The following PIP4K2A variants were observed in gnomAD, a reference collection of about 807,000 sequenced individuals.
PIP4K2A encodes the protein phosphatidylinositol-5-phosphate 4-kinase type 2 alpha, also known as phosphatidylinositol 5-phosphate 4-kinase type-2 alpha.
In PIP4K2A, 14 loss-of-function variants were observed where a neutral mutation model predicts 42.9. The ratio of observed to expected loss-of-function variants is 0.33; its 90% confidence interval spans 0.22 to 0.51. The LOEUF is 0.51. PIP4K2A is among the 20% of genes least tolerant of loss of function. PIP4K2A has a pLI of 0.97. For synonymous variants in PIP4K2A, 192 were observed against 192.2 expected, an observed-to-expected ratio of 1.00 and a Z score of 0.01; for missense variants, 434 against 519.8, an observed-to-expected ratio of 0.83 and a Z score of 1.61.
intron 1 of PIP4K2A, among the ~76,000 whole-genome samples, chr10:22,632,846 G>GA (rs1246862856): frequency 6.6e-6 from 1 of 151,962 alleles, no homozygotes; most frequent in African/African-American, 2.4e-5. Flanking sequence ...CCAATCAAAA[G>GA]AAAAAAATAT....
At chr10:22,640,866 A>G (rs1838769542) in intron 1 of PIP4K2A, among the ~76,000 whole-genome samples, 2 of 152,246 alleles carry the variant, frequency 1.3e-5, no homozygotes, top group Admixed American at 6.5e-5. Context: ...ATAAACATAG[A>G]GCAAGGATGT....
chr10:22,707,640 A>G (rs540904162), intron 1 of PIP4K2A, among the ~76,000 whole-genome samples: 2 of 152,336 alleles, frequency 1.3e-5, no homozygotes, highest in East Asian at 3.9e-4. Context: ...CAGGCAGCAC[A>G]GCTCAGTGGT....
intron 1 of PIP4K2A, among the ~76,000 whole-genome samples, chr10:22,653,791 A>G (rs907159829): frequency 6.6e-6 from 1 of 152,106 alleles, no homozygotes; most frequent in Non-Finnish European, 1.5e-5. Context: ...GGAGAATCGC[A>G]TGAATCCAGA....
intron 1 of PIP4K2A, among the ~76,000 whole-genome samples, chr10:22,703,235 C>T (rs1833750277): frequency 1.3e-5 from 2 of 151,968 alleles, no homozygotes; most frequent in South Asian, 2.1e-4. Context: ...GCGAGACCCC[C>T]CATCTCTTAC....
At chr10:22,591,433 A>G (rs546425009) in intron 4 of PIP4K2A, among the ~76,000 whole-genome samples, 196 bp downstream of exon 4, 1 of 152,386 alleles carries the variant, frequency 6.6e-6, no homozygotes, top group African/African-American at 2.4e-5. Context: ...AATGACCTTT[A>G]TAGCACAAGC....
chr10:22,570,411 G>T (rs910044753), intron 5 of PIP4K2A, among the ~76,000 whole-genome samples: 26 of 152,260 alleles, frequency 1.7e-4, no homozygotes, highest in Non-Finnish European at 1.5e-5. Context: ...GCTCTGAGCA[G>T]TACCGCCAAG....
chr10:22,544,886 G>A (rs547910368), intron 7 of PIP4K2A, among the ~76,000 whole-genome samples: 11 of 152,246 alleles, frequency 7.2e-5, no homozygotes, highest in South Asian at 4.1e-4. Context: ...TCTCAGCTGC[G>A]GGGCACTGCA....
At chr10:22,695,962 C>T (rs1839962743) in intron 1 of PIP4K2A, among the ~76,000 whole-genome samples, 1 of 152,134 alleles carries the variant, frequency 6.6e-6, no homozygotes, top group African/African-American at 2.4e-5. Context: ...CACCTTAGAG[C>T]ATGTCTTGGG....
At chr10:22,658,510 T>C (rs1023164531) in intron 1 of PIP4K2A, among the ~76,000 whole-genome samples, 14 of 152,178 alleles carry the variant, frequency 9.2e-5, no homozygotes, top group South Asian at 2.1e-4. Context: ...GGAAGGATAA[T>C]AGGCTTAAAC....
chr10:22,585,677 T>C (rs1837377535), intron 4 of PIP4K2A, among the ~76,000 whole-genome samples: 1 of 151,770 alleles, frequency 6.6e-6, no homozygotes, highest in African/African-American at 2.4e-5. Context: ...CTTGGCTCCC[T>C]GCAACTTCTG....
intron 1 of PIP4K2A, among the ~76,000 whole-genome samples, chr10:22,655,339 C>G (rs989705025): frequency 5.9e-5 from 9 of 152,234 alleles, no homozygotes; most frequent in African/African-American, 2.2e-4. Flanking sequence ...AAGATGAGAT[C>G]TTCAGAGCTG....
chr10:22,570,192 C>T (rs369770280), intron 5 of PIP4K2A, among the ~76,000 whole-genome samples: 11 of 152,302 alleles, frequency 7.2e-5, no homozygotes, highest in African/African-American at 1.7e-4. Flanking sequence ...CCATGCCTCA[C>T]GCTGGACACA....
chr10:22,693,277 A>T (rs1382252624), intron 1 of PIP4K2A, among the ~76,000 whole-genome samples: 1 of 151,822 alleles, frequency 6.6e-6, no homozygotes, highest in South Asian at 2.1e-4. Context: ...CCATCTTTAC[A>T]ACTTCATTTT....
chr10:22,698,269 A>T (rs144082897), intron 1 of PIP4K2A, among the ~76,000 whole-genome samples: 63 of 152,330 alleles, frequency 4.1e-4, no homozygotes, highest in African/African-American at 1.4e-3. Flanking sequence ...GGAAAAAAGG[A>T]TATCTTTTTA....
chr10:22,552,346 T>G (rs1483060408), intron 6 of PIP4K2A, among the ~76,000 whole-genome samples: 4 of 152,226 alleles, frequency 2.6e-5, no homozygotes, highest in Admixed American at 6.5e-5. Context: ...AACACTTTTA[T>G]GCTGAGTTAT....
At chr10:22,661,660 C>T (rs1839208414) in intron 1 of PIP4K2A, 3 of 152,144 alleles carry the variant, frequency 2.0e-5, no homozygotes, top group Admixed American at 6.5e-5. Flanking sequence ...ACTCACTGGC[C>T]TTAAATAGGA....
In PIP4K2A at chr10:22,541,922, G is replaced by A. The variant is rs1836126605; in HGVS notation, c.918C>T (p.Gly306=). 1 of 1,613,920 alleles carries A rather than the reference G, an allele frequency of 6.2e-7. No individual in the cohort carries two copies. The highest frequency in any genetic ancestry group is 1.3e-5 in the African/African-American group (1 of 74,906). Reference sequence around the variant, plus strand: ...CTGGGGGGGTTCCCACCGGGTGGGTGCCATCGCTCTCGCCCTCCTCCTCCC... The same window carrying A: ...CTGGGGGGGTTCCCACCGGGTGGGTACCATCGCTCTCGCCCTCCTCCTCCC... ...NDGEEEGESD[G]THPVGTPPDS... is the part of the protein sequence containing the mutation. The change falls in exon 8 of 10, where the codon GGC becomes GGT. Residue 306 remains glycine, a synonymous_variant. Transcript: ENST00000376573.
At chr10:22,574,752 T>C (rs906264498) in intron 4 of PIP4K2A, among the ~76,000 whole-genome samples, 3 of 152,216 alleles carry the variant, frequency 2.0e-5, no homozygotes, top group African/African-American at 7.2e-5. Flanking sequence ...ACCTTGTTAT[T>C]TGAAATTAGA....
At chr10:22,574,099 CAAA>C (rs56414427) in intron 4 of PIP4K2A, among the ~76,000 whole-genome samples, 146,139 of 152,212 alleles carry the variant, frequency 0.96, 70,208 homozygotes, top group East Asian at 1. Context: ...AGGAGAGTTG[CAAA>C]AAAAACACAA....
Sources: gnomAD v4.1 joint callset for allele counts (sites outside exome capture counted in the v4.1 genomes callset) on GRCh38, gnomAD v4.1.1 for gene constraint, MANE v1.5 for transcripts, NCBI Gene and HGNC (gene_info 2026-07-23, HGNC 2026-07-21) for gene names.